Variants in PLCG2 observed in about 807,000 individuals in gnomAD.
The protein encoded by PLCG2 is phospholipase C gamma 2.
A neutral mutation model predicts 175.6 loss-of-function variants in PLCG2; 69 were observed. The observed-to-expected ratio is 0.39, with a 90% CI of 0.32 to 0.48. The LOEUF (loss-of-function observed/expected upper bound fraction) is 0.48, where lower values mean the gene tolerates loss of function less well. Among genes scored for constraint, PLCG2 ranks in the 20% least tolerant of loss-of-function variants. The pLI, the probability that PLCG2 is intolerant of heterozygous loss-of-function variation, is 0.91. For synonymous variants in PLCG2, 827 were observed against 624.0 expected (o/e 1.33, Z -4.85); for missense variants, 1,798 against 1,650.9 (o/e 1.09, Z -1.54).
intron 31 of PLCG2, among the ~76,000 whole-genome samples, chr16:81,954,129 C>G (rs928946150): frequency 1.3e-5 from 2 of 152,056 alleles, no homozygotes; most frequent in Non-Finnish European, 2.9e-5. Context: ...CTCATGTGAT[C>G]TTACCCTCTC....
chr16:81,907,262 C>A (rs11641776), intron 15 of PLCG2, among the ~76,000 whole-genome samples: 124,714 of 151,962 alleles, frequency 0.82, 51,378 homozygotes, highest in East Asian at 0.97. Flanking sequence ...AGAACTTAAC[C>A]CTGGTACTTT....
intron 13 of PLCG2, among the ~76,000 whole-genome samples, chr16:81,896,864 G>A (rs898723629): frequency 6.6e-6 from 1 of 152,218 alleles, no homozygotes; most frequent in African/African-American, 2.4e-5. Flanking sequence ...GAGACAAGGA[G>A]GGGTTAAATG....
Position 81,910,738 on chromosome 16 carries a change from G to C in PLCG2, c.1934+18G>C, listed in dbSNP as rs768754329. ...TCCAAGCCGTACGTGTCTGAGGGTG[G>C]AGCAGGAGGCAGGCGGTGGTCGGGT... On this transcript the variant is annotated intron_variant, in intron 18 of 32. Transcript: ENST00000564138. 6.2e-7 allele frequency: 1 copy of C among 1,602,264 alleles called. No individual in the cohort carries two copies. The highest frequency in any genetic ancestry group is 8.5e-7 in the Non-Finnish European group (1 of 1,178,200).
At chr16:81,833,025 A>G (rs1275497523) in intron 2 of PLCG2, among the ~76,000 whole-genome samples, 2 of 152,238 alleles carry the variant, frequency 1.3e-5, no homozygotes, top group Non-Finnish European at 2.9e-5. Context: ...GGACCTGGAA[A>G]GGGAAGTCCA....
intron 2 of PLCG2, among the ~76,000 whole-genome samples, chr16:81,801,946 G>T (rs546336250): frequency 2.0e-5 from 3 of 151,964 alleles, no homozygotes; most frequent in Non-Finnish European, 4.4e-5. Flanking sequence ...CTCCCAAAGT[G>T]TTGGGATTAC....
rs180837513 is a variant in PLCG2, at chr16:81,943,612, A to G, written c.3482-2563A>G. On this transcript the variant is annotated intron_variant, in intron 30 of 32. Coordinates refer to ENST00000564138, the MANE Select transcript of PLCG2 (RefSeq NM_002661.5). The stretch of plus-strand genomic sequence containing the variant: ...CAGATTAGCTCATTAGAGATGCAGA[A>G]TCTCAGGCCTCACCCCAGACTTCCC... 3.7e-4 allele frequency among the ~76,000 whole-genome samples: 57 copies of G among 152,276 alleles called. No homozygotes were observed. The East Asian group carries it at 9.4e-3, about 25-fold the overall frequency.
chr16:81,806,732 C>T (rs550739233), intron 2 of PLCG2, among the ~76,000 whole-genome samples: 45 of 152,100 alleles, frequency 3.0e-4, no homozygotes, highest in East Asian at 1.5e-3. Flanking sequence ...TGGAAGGCCT[C>T]ACTGAGAAGC....
chr16:81,892,221 A>G (rs1256559080), intron 11 of PLCG2, among the ~76,000 whole-genome samples: 1 of 152,228 alleles, frequency 6.6e-6, no homozygotes, highest in African/African-American at 2.4e-5. Flanking sequence ...GGAGGAAGGC[A>G]GGTCCTGCTG....
intron 1 of PLCG2, among the ~76,000 whole-genome samples, chr16:81,753,684 C>T (rs960467055): frequency 2.0e-5 from 3 of 152,210 alleles, no homozygotes; most frequent in Non-Finnish European, 4.4e-5. Flanking sequence ...ACTGGGATTA[C>T]AGGCATGAGC....
Position 81,894,186 on chromosome 16 carries a change from C to T in PLCG2, c.1072+392C>T, listed in dbSNP as rs139156476. On this transcript the variant is annotated intron_variant, in intron 12 of 32. Transcript: ENST00000564138. ...GCTCATGCCTGTAATCCCAGCACTTCAGGAGGCTGAAGTGGGAGGATTGTA... is the reference window on the plus strand; with the variant it reads ...GCTCATGCCTGTAATCCCAGCACTTTAGGAGGCTGAAGTGGGAGGATTGTA... Among the ~76,000 whole-genome samples, 919 of 151,132 alleles carry T rather than the reference C, an allele frequency of 6.1e-3. 8 individuals are homozygous for T. The highest frequency in any genetic ancestry group is 0.021 in the African/African-American group (877 of 41,168).
At chr16:81,893,932 G>C (rs1263660360) in intron 12 of PLCG2, 138 bp downstream of exon 12, 3 of 520,734 alleles carry the variant, frequency 5.8e-6, no homozygotes, top group Non-Finnish European at 1.0e-5. Flanking sequence ...GAGTTAGAGT[G>C]TGATGTTTCT....
At chr16:81,813,903 C>T (rs1311392892) in intron 2 of PLCG2, among the ~76,000 whole-genome samples, 1 of 152,206 alleles carries the variant, frequency 6.6e-6, no homozygotes, top group Non-Finnish European at 1.5e-5. Flanking sequence ...GTCACAAGGC[C>T]AGCCCTGACA....
intron 18 of PLCG2, among the ~76,000 whole-genome samples, chr16:81,912,343 G>T (rs1472907636): frequency 6.6e-6 from 1 of 152,266 alleles, no homozygotes; most frequent in Non-Finnish European, 1.5e-5. Context: ...TGGGATTTCA[G>T]GTGTGAACCA....
Position 81,803,879 on chromosome 16 carries a change from A to G in PLCG2, c.193+17697A>G, listed in dbSNP as rs766349129. ...GTATTTTTAATACAGACAGGGTTTC[A>G]CTATGTTGGCCAAGCTAGTCTTGAA... On this transcript the variant is annotated intron_variant, in intron 2 of 32. Transcript: ENST00000564138. Among the ~76,000 whole-genome samples the G allele has an allele frequency of 1.1e-3, 169 of 152,154 alleles. 1 individual carries two copies. The highest frequency in any genetic ancestry group is 3.4e-3 in the Middle Eastern group (1 of 294).
intron 2 of PLCG2, among the ~76,000 whole-genome samples, chr16:81,823,004 C>T (rs556561752): frequency 2.6e-5 from 4 of 152,302 alleles, no homozygotes; most frequent in Admixed American, 2.6e-4. Context: ...TGGTTTTGAC[C>T]TAGGAGCTGA....
At chr16:81,936,409 T>C in intron 27 of PLCG2, 31 bp downstream of exon 27, 1 of 1,589,450 alleles carries the variant, frequency 6.3e-7, no homozygotes, top group Non-Finnish European at 8.6e-7. Context: ...GTCCCGTCCC[T>C]GCAAGGTGGC....
intron 1 of PLCG2, among the ~76,000 whole-genome samples, chr16:81,782,810 C>T (rs1195084223): frequency 6.6e-6 from 1 of 152,192 alleles, no homozygotes; most frequent in Non-Finnish European, 1.5e-5. Context: ...GCCCCTCCAA[C>T]AGTTGAATGG....
At chr16:81,779,764 T>C (rs1218886270) in intron 1 of PLCG2, among the ~76,000 whole-genome samples, 1 of 152,078 alleles carries the variant, frequency 6.6e-6, no homozygotes, top group African/African-American at 2.4e-5. Flanking sequence ...CGAGCGGCTC[T>C]GCGTGGGGTG....
chr16:81,889,046 C>G lies in PLCG2; in HGVS notation c.766-126C>G, dbSNP rs997758597. On this transcript the variant is annotated intron_variant, in intron 9 of 32. Coordinates refer to ENST00000564138, the MANE Select transcript of PLCG2 (RefSeq NM_002661.5). ...GAATGAGGCCTCAACATGTGGTGGTCGATTGCAAGTGAATTCGGAATTGGT... is the reference window on the plus strand; with the variant it reads ...GAATGAGGCCTCAACATGTGGTGGTGGATTGCAAGTGAATTCGGAATTGGT... 4.6e-5 allele frequency: 28 copies of G among 613,998 alleles called. No homozygotes were observed. The East Asian group carries it at 7.7e-4, about 17-fold the overall frequency. 38.0% of individuals were successfully genotyped at this position (613,998 alleles called of 1,614,324 possible). A position where few individuals can be genotyped will look rare whatever the true frequency, so the allele number is the denominator to read the frequency against.
Sources: allele counts gnomAD v4.1 joint callset (sites outside exome capture counted in the v4.1 genomes callset), GRCh38; gene constraint gnomAD v4.1.1; transcripts MANE v1.5; gene names NCBI Gene and HGNC (gene_info 2026-07-23, HGNC 2026-07-21).